Variants in GRIK2 observed in about 807,000 individuals in gnomAD.
The protein encoded by GRIK2 is glutamate receptor ionotropic, kainate 2.
GRIK2 carries 32 observed loss-of-function variants against 100.3 expected under a neutral mutation model. The ratio of observed to expected loss-of-function variants is 0.32; its 90% confidence interval spans 0.24 to 0.43. GRIK2 has a LOEUF of 0.43. GRIK2 is among the 20% of genes least tolerant of loss of function. The probability of loss-of-function intolerance (pLI) is 1.00; values close to 1 mark genes in which losing one functional copy is unlikely to be tolerated. For missense variants in GRIK2, 843 were observed against 1,114.9 expected (o/e 0.76, Z 3.47); for synonymous variants, 417 against 389.4 (o/e 1.07, Z -0.83).
intron 14 of GRIK2, among the ~76,000 whole-genome samples, chr6:101,999,133 T>A (rs1794801933): frequency 6.6e-6 from 1 of 152,144 alleles, no homozygotes. Context: ...ACTGTCTTGT[T>A]GACTGTAGGT....
intron 11 of GRIK2, among the ~76,000 whole-genome samples, chr6:101,867,411 T>TA (rs1433553608): frequency 2.0e-5 from 3 of 151,940 alleles, no homozygotes; most frequent in African/African-American, 7.3e-5. Flanking sequence ...AACGTGAATT[T>TA]AAACAGTGAG....
At chr6:101,775,562 A>T (rs1778691500) in intron 7 of GRIK2, among the ~76,000 whole-genome samples, 2 of 150,428 alleles carry the variant, frequency 1.3e-5, no homozygotes, top group Non-Finnish European at 3.0e-5. Context: ...ATATATATAT[A>T]CACACACACA....
intron 4 of GRIK2, among the ~76,000 whole-genome samples, chr6:101,643,419 C>A (rs1253207391): frequency 6.6e-6 from 1 of 151,154 alleles, no homozygotes; most frequent in Non-Finnish European, 1.5e-5. Context: ...AAGAGTCCAA[C>A]TTTATTCTTT....
intron 7 of GRIK2, among the ~76,000 whole-genome samples, chr6:101,773,517 A>G (rs1778543055): frequency 6.6e-6 from 1 of 151,484 alleles, no homozygotes; most frequent in African/African-American, 2.4e-5. Flanking sequence ...TAGTGAAGAG[A>G]TGGAAGGTCT....
intron 11 of GRIK2, among the ~76,000 whole-genome samples, chr6:101,883,265 A>C (rs1332012913): frequency 6.7e-6 from 1 of 148,864 alleles, no homozygotes; most frequent in African/African-American, 2.5e-5. Flanking sequence ...TGAAAATACA[A>C]ACCTCAAGAG....
chr6:101,653,352 G>A (rs1394423879), intron 4 of GRIK2, among the ~76,000 whole-genome samples: 1 of 151,888 alleles, frequency 6.6e-6, no homozygotes, highest in Non-Finnish European at 1.5e-5. Context: ...GTCATCCTAT[G>A]CCTATATAAT....
intron 7 of GRIK2, among the ~76,000 whole-genome samples, chr6:101,714,239 T>C (rs1773912021): frequency 6.6e-6 from 1 of 151,668 alleles, no homozygotes; most frequent in Non-Finnish European, 1.5e-5. Flanking sequence ...AAAATTAAAA[T>C]GTAAATCATA....
chr6:101,519,290 C>A (rs980427087), intron 2 of GRIK2, among the ~76,000 whole-genome samples: 3 of 141,918 alleles, frequency 2.1e-5, no homozygotes, highest in African/African-American at 5.3e-5. Context: ...TGGCGCATTG[C>A]GGAGTTAAAC....
At chr6:101,836,643 GTA>G (rs201661389) in intron 10 of GRIK2, among the ~76,000 whole-genome samples, 1,585 of 86,096 alleles carry the variant, frequency 0.018, 206 homozygotes, top group Middle Eastern at 0.069. Context: ...ATATGTATGT[GTA>G]TATATATATA....
chr6:101,575,660 T>C (rs532965553), intron 2 of GRIK2, among the ~76,000 whole-genome samples: 1 of 152,196 alleles, frequency 6.6e-6, no homozygotes, highest in Non-Finnish European at 1.5e-5. Context: ...TCTGGGACTC[T>C]CTCAAAGACA....
chr6:101,565,014 G>A (rs1362007000), intron 2 of GRIK2, among the ~76,000 whole-genome samples: 4 of 151,976 alleles, frequency 2.6e-5, no homozygotes, highest in Admixed American at 2.6e-4. Flanking sequence ...TCAGGAATGA[G>A]GCTACTTAAA....
At chr6:101,574,291 T>TAC (rs1366689529) in intron 2 of GRIK2, among the ~76,000 whole-genome samples, 2 of 147,836 alleles carry the variant, frequency 1.4e-5, no homozygotes, top group South Asian at 2.1e-4. Flanking sequence ...TGTATATATA[T>TAC]ACACTGTATA....
intron 7 of GRIK2, chr6:101,744,541 T>TATATATACAC (rs1554257100): frequency 1.4e-4 from 17 of 123,114 alleles, no homozygotes; most frequent in African/African-American, 4.7e-4. Context: ...TATATATATA[T>TATATATACAC]ATATATATAT....
At chr6:101,856,155 T>G (rs898968593) in intron 10 of GRIK2, among the ~76,000 whole-genome samples, 1 of 152,116 alleles carries the variant, frequency 6.6e-6, no homozygotes, top group African/African-American at 2.4e-5. Flanking sequence ...TTTCAAGTAG[T>G]AGTGGGGAGG....
intron 10 of GRIK2, among the ~76,000 whole-genome samples, chr6:101,833,231 G>GTTTGT (rs760693541): frequency 1.3e-5 from 2 of 151,780 alleles, no homozygotes; most frequent in Non-Finnish European, 2.9e-5. Context: ...GTTGTTGTTT[G>GTTTGT]TTTGTTTTGT....
intron 2 of GRIK2, among the ~76,000 whole-genome samples, chr6:101,545,946 A>AT (rs71028075): frequency 2.7e-4 from 40 of 149,158 alleles, no homozygotes; most frequent in East Asian, 2.0e-3. Context: ...AGTTCTCAAC[A>AT]TTTTTTTTTT....
At chr6:101,486,734 T>A (rs745549380) in intron 2 of GRIK2, among the ~76,000 whole-genome samples, 1 of 116,900 alleles carries the variant, frequency 8.6e-6, no homozygotes, top group Non-Finnish European at 1.8e-5. Flanking sequence ...CAAGAATAGT[T>A]TAGGCTTAGG....
chr6:102,067,010 T>C (rs1050266412), intron 16 of GRIK2, among the ~76,000 whole-genome samples: 2 of 151,720 alleles, frequency 1.3e-5, no homozygotes, highest in Non-Finnish European at 3.0e-5. Context: ...GTGTGAACTG[T>C]AGAAAGTTAT....
chr6:101,557,173 A>G (rs1158746337), intron 2 of GRIK2, among the ~76,000 whole-genome samples: 1 of 152,210 alleles, frequency 6.6e-6, no homozygotes, highest in Non-Finnish European at 1.5e-5. Flanking sequence ...AAACATGTTC[A>G]TAACATGCAC....
Sources: gnomAD v4.1 joint callset for allele counts (sites outside exome capture counted in the v4.1 genomes callset) on GRCh38, gnomAD v4.1.1 for gene constraint, MANE v1.5 for transcripts, NCBI Gene and HGNC (gene_info 2026-07-23, HGNC 2026-07-21) for gene names.